Variants in SUSD4 observed in about 807,000 individuals in gnomAD.
The protein encoded by SUSD4 is sushi domain containing 4.
A neutral mutation model predicts 50.5 loss-of-function variants in SUSD4; 41 were observed. That is an observed-to-expected ratio of 0.81 (90% confidence interval 0.63 to 1.05). SUSD4 has a LOEUF of 1.05. Among genes scored for constraint, SUSD4 ranks in the 50% least tolerant of loss-of-function variants. SUSD4 has a pLI of 0.00. For synonymous variants in SUSD4, 257 were observed against 257.3 expected (o/e 1.00, Z 0.01); for missense variants, 580 against 634.7 (o/e 0.91, Z 0.93).
chr1:223,323,628 C>T (rs1268922847), intron 2 of SUSD4, among the ~76,000 whole-genome samples: 2 of 152,140 alleles, frequency 1.3e-5, no homozygotes, highest in African/African-American at 4.8e-5. Context: ...CAGGGTGAGG[C>T]CAAGACTCAG....
intron 5 of SUSD4, among the ~76,000 whole-genome samples, chr1:223,252,236 A>AAAATAT (rs1343732568): frequency 5.6e-5 from 5 of 89,712 alleles, no homozygotes; most frequent in African/African-American, 2.0e-4. Flanking sequence ...AAAAAAAAAA[A>AAAATAT]ATATATATAT....
At chr1:223,359,989 G>A (rs757033496) in intron 2 of SUSD4, among the ~76,000 whole-genome samples, 11 of 152,018 alleles carry the variant, frequency 7.2e-5, no homozygotes, top group Non-Finnish European at 1.5e-4. Context: ...CCAAAATCAC[G>A]GCATTGTCTT....
chr1:223,278,034 C>G (rs1300766682), intron 3 of SUSD4, among the ~76,000 whole-genome samples: 2 of 152,108 alleles, frequency 1.3e-5, no homozygotes, highest in African/African-American at 4.8e-5. Flanking sequence ...TGTACTTTTC[C>G]TAAGTTCTGA....
chr1:223,253,421 A>G (rs916681620), intron 5 of SUSD4, among the ~76,000 whole-genome samples: 1 of 152,192 alleles, frequency 6.6e-6, no homozygotes, highest in African/African-American at 2.4e-5. Flanking sequence ...AGACAAAAAG[A>G]TAGGAATAGA....
In SUSD4 at chr1:223,231,309, G is replaced by C. The variant is rs1659883992; in HGVS notation, c.725-1921C>G. 6.6e-6 allele frequency among the ~76,000 whole-genome samples: 1 copy of C among 152,134 alleles called. No homozygotes were observed. Among genetic ancestry groups the C allele is most frequent in the African/African-American group, 2.4e-5 (1 of 41,420 alleles). ...GGGTCTGCGGTGGACAGCCTGTCTAGATCTGGTGCAGTGCAGGGAAGGTCC... is the reference window on the plus strand; with the variant it reads ...GGGTCTGCGGTGGACAGCCTGTCTACATCTGGTGCAGTGCAGGGAAGGTCC... On this transcript the variant is annotated intron_variant, in intron 5 of 8. Transcript: ENST00000366878. This position sits in a 1 kb window ranked among gnomAD's most constrained non-coding sequence, Gnocchi z 4.2.
intron 2 of SUSD4, among the ~76,000 whole-genome samples, chr1:223,315,534 G>T (rs562908277): frequency 6.6e-6 from 1 of 152,138 alleles, no homozygotes; most frequent in South Asian, 2.1e-4. Context: ...CCAAACTATC[G>T]TTGAAAAACC....
chr1:223,265,215 T>C (rs922819789), intron 4 of SUSD4, among the ~76,000 whole-genome samples: 22 of 152,062 alleles, frequency 1.4e-4, no homozygotes, highest in Non-Finnish European at 2.2e-4. Flanking sequence ...ATCACCGAGG[T>C]GCTGTAAGAG....
At position 223,231,337 on chromosome 1, in the gene SUSD4, G is replaced by A. The variant is rs1659885726; in HGVS notation, c.725-1949C>T. Among the ~76,000 whole-genome samples the A allele has an allele frequency of 6.6e-6, 1 of 152,116 alleles. No individual in the cohort carries two copies. Among genetic ancestry groups the A allele is most frequent in the Non-Finnish European group, 1.5e-5 (1 of 68,006 alleles). On this transcript the variant is annotated intron_variant, in intron 5 of 8. Transcript: ENST00000366878. This position sits in a 1 kb window ranked among gnomAD's most constrained non-coding sequence, Gnocchi z 4.2. ...CTGGTGCAGTGCAGGGAAGGTCCAG[G>A]GCAGATCTGAGGCTGGCAGGCCCAG...
Position 223,284,641 on chromosome 1 carries a change from T to C in SUSD4, c.361+7798A>G, listed in dbSNP as rs1664011361. Among the ~76,000 whole-genome samples, 4 of 152,200 alleles carry C rather than the reference T, an allele frequency of 2.6e-5. No homozygotes were observed. The South Asian group carries it at 8.3e-4, about 32-fold the overall frequency. On this transcript the variant is annotated intron_variant, in intron 3 of 8. Transcript: ENST00000366878. ...ACAATAGATGAATGGGTAACGAAAC[T>C]GTGGTACATAAATGCCATGGGATAC...
intron 5 of SUSD4, chr1:223,235,230 G>T: frequency 2.2e-6 from 2 of 924,526 alleles, no homozygotes; most frequent in Non-Finnish European, 1.6e-6. Context: ...TAGGTTCACA[G>T]CAATATTGAG....
intron 5 of SUSD4, among the ~76,000 whole-genome samples, chr1:223,249,024 G>A (rs1353510806): frequency 6.6e-6 from 1 of 152,216 alleles, no homozygotes; most frequent in Non-Finnish European, 1.5e-5. Context: ...TCTGTGTTCT[G>A]ATGAGGTTGC....
intron 5 of SUSD4, among the ~76,000 whole-genome samples, chr1:223,254,819 A>G (rs536451026): frequency 6.6e-6 from 1 of 152,360 alleles, no homozygotes; most frequent in East Asian, 1.9e-4. Flanking sequence ...AGAAGAGAAA[A>G]TTAAGCACAG....
chr1:223,315,413 T>C (rs900569888), intron 2 of SUSD4, among the ~76,000 whole-genome samples: 1 of 152,226 alleles, frequency 6.6e-6, no homozygotes. Flanking sequence ...ATTGGTCTTT[T>C]GAGATGGCTT....
Position 223,341,524 on chromosome 1 carries a change from G to A in SUSD4, c.148+21754C>T, listed in dbSNP as rs191238054. Among the ~76,000 whole-genome samples the A allele has an allele frequency of 2.7e-5, 4 of 146,962 alleles. No individual in the cohort carries two copies. The East Asian group carries it at 6.5e-4, about 24-fold the overall frequency. On this transcript the variant is annotated intron_variant, in intron 2 of 8. Transcript: ENST00000366878. ...GGCTGAGTGGGAAGCAGAAGGGGCC[G>A]GCTCCCATCAAGCTCCCCCACGCAG... is the stretch of plus-strand genomic sequence containing the variant.
intron 2 of SUSD4, chr1:223,358,745 G>A (rs1400207994): frequency 6.4e-6 from 1 of 156,222 alleles, no homozygotes; most frequent in Non-Finnish European, 1.4e-5. Context: ...TTTACCCACT[G>A]GATAAATCAA....
At chr1:223,343,009 C>T (rs1029809484) in intron 2 of SUSD4, among the ~76,000 whole-genome samples, 7 of 152,034 alleles carry the variant, frequency 4.6e-5, no homozygotes, top group East Asian at 3.9e-4. Flanking sequence ...AAAACATTAG[C>T]GGAAAAACAG....
At chr1:223,249,650 T>A (rs757658197) in intron 5 of SUSD4, among the ~76,000 whole-genome samples, 4 of 152,222 alleles carry the variant, frequency 2.6e-5, no homozygotes, top group Non-Finnish European at 4.4e-5. Flanking sequence ...TATATTATAG[T>A]TAGTTCTATA....
At chr1:223,269,348 A>AGGCTGGG (rs1662750596) in intron 3 of SUSD4, among the ~76,000 whole-genome samples, 1 of 152,226 alleles carries the variant, frequency 6.6e-6, no homozygotes, top group Non-Finnish European at 1.5e-5. Flanking sequence ...AGAAGAGGCA[A>AGGCTGGG]GGCTGGGGGC....
At chr1:223,263,463 A>T (rs1662262733) in intron 5 of SUSD4, 1 of 756,156 alleles carries the variant, frequency 1.3e-6, no homozygotes, top group African/African-American at 1.9e-5. Flanking sequence ...TTATCTGTGT[A>T]TCCTGTATTT....
Sources: gnomAD v4.1 joint callset for allele counts (sites outside exome capture counted in the v4.1 genomes callset) on GRCh38, gnomAD v4.1.1 for gene constraint, Gnocchi (gnomAD v3.1) non-coding constraint, MANE v1.5 for transcripts, NCBI Gene and HGNC (gene_info 2026-07-23, HGNC 2026-07-21) for gene names.